The following KIAA1217 variants were observed in gnomAD, a reference collection of about 807,000 sequenced individuals.
KIAA1217 encodes the protein KIAA1217.
Under a neutral mutation model 163.9 loss-of-function variants are expected in KIAA1217, and 88 were observed. The ratio of observed to expected loss-of-function variants is 0.54; its 90% confidence interval spans 0.45 to 0.64. The LOEUF is 0.64. Among genes scored for constraint, KIAA1217 ranks in the 30% least tolerant of loss-of-function variants. The probability of loss-of-function intolerance (pLI) is 0.00; values close to 1 mark genes in which losing one functional copy is unlikely to be tolerated. For synonymous variants in KIAA1217, 903 were observed against 923.1 expected, an observed-to-expected ratio of 0.98 and a Z score of 0.39; for missense variants, 2,372 against 2,475.0, an observed-to-expected ratio of 0.96 and a Z score of 0.88.
intron 1 of KIAA1217, among the ~76,000 whole-genome samples, chr10:23,699,923 A>G (rs145860972): frequency 3.9e-5 from 6 of 152,364 alleles, no homozygotes; most frequent in Admixed American, 1.3e-4. Context: ...AAGACCTAGC[A>G]TACTGTTTGG....
Position 24,543,134 on chromosome 10 carries a change from C to T in KIAA1217, c.3864C>T (p.Gly1288=). The change falls in exon 19 of 21, where the codon GGC becomes GGT. Residue 1288 remains glycine (G), a synonymous_variant. Transcript: ENST00000376454. ...TAAACAAAGGGTCTAAAATCTCAGG[C>T]CTGCAATACTCTATACCTGACACCG... is the stretch of plus-strand genomic sequence containing the variant. ...DEINKGSKIS[G]LQYSIPDTEN... 6.2e-7 allele frequency: 1 copy of T among 1,613,184 alleles called. No individual in the cohort carries two copies. Among genetic ancestry groups the T allele is most frequent in the Non-Finnish European group, 8.5e-7 (1 of 1,179,964 alleles).
chr10:23,806,454 C>A (rs1373959036), intron 1 of KIAA1217, among the ~76,000 whole-genome samples: 1 of 152,142 alleles, frequency 6.6e-6, no homozygotes, highest in Non-Finnish European at 1.5e-5. Flanking sequence ...TCAGATTGTG[C>A]CCCAATGACT....
chr10:24,177,361 G>GTATATATA lies in KIAA1217; in HGVS notation c.-170-42253_-170-42246dup, dbSNP rs58347791. On this transcript the variant is annotated intron_variant, in intron 2 of 18. Transcript: ENST00000376462. Reference sequence around the variant, plus strand: ...TATCTTATATATCTTTATCATATGTGTATATATATATATATATATGTGTGT... The same window carrying GTATATATA: ...TATCTTATATATCTTTATCATATGTGTATATATATATATATATATATATATATGTGTGT... Among the ~76,000 whole-genome samples the GTATATATA allele has an allele frequency of 3.0e-3, 391 of 129,232 alleles. 2 individuals are homozygous for GTATATATA. Among genetic ancestry groups the GTATATATA allele is most frequent in the African/African-American group, 8.7e-3 (294 of 33,762 alleles). The allele number at this position is 129,232 out of a possible 152,430, so 84.8% of individuals were successfully genotyped here.
chr10:23,793,538 A>G (rs1442983402), intron 1 of KIAA1217, among the ~76,000 whole-genome samples: 1 of 152,200 alleles, frequency 6.6e-6, no homozygotes, highest in African/African-American at 2.4e-5. Flanking sequence ...AAGTCCTGTC[A>G]TTCAATGAAA....
At chr10:24,358,035 G>A (rs2049352733) in intron 2 of KIAA1217, among the ~76,000 whole-genome samples, 1 of 152,208 alleles carries the variant, frequency 6.6e-6, no homozygotes, top group South Asian at 2.1e-4. Flanking sequence ...AATCAAGCAA[G>A]CTGCACAGAG....
intron 2 of KIAA1217, among the ~76,000 whole-genome samples, chr10:24,226,506 G>T (rs1564858168): frequency 6.6e-6 from 1 of 151,898 alleles, no homozygotes; most frequent in Non-Finnish European, 1.5e-5. Flanking sequence ...GCTGGGCATG[G>T]AGGCACACGC....
At chr10:24,182,968 G>A (rs1016038639) in intron 2 of KIAA1217, among the ~76,000 whole-genome samples, 5 of 152,202 alleles carry the variant, frequency 3.3e-5, no homozygotes, top group South Asian at 2.1e-4. Context: ...GGGATATAGT[G>A]AGAGGTGTTT....
At chr10:24,540,062 C>T (rs940978554) in intron 17 of KIAA1217, among the ~76,000 whole-genome samples, 1 of 152,148 alleles carries the variant, frequency 6.6e-6, no homozygotes, top group Non-Finnish European at 1.5e-5. Context: ...CAATTATGAC[C>T]AAGCTCCTGC....
At chr10:23,841,253 C>T (rs766788371) in intron 1 of KIAA1217, among the ~76,000 whole-genome samples, 5 of 151,850 alleles carry the variant, frequency 3.3e-5, no homozygotes, top group Non-Finnish European at 7.4e-5. Context: ...CAGAAGCCTG[C>T]GATGTAAAAG....
At chr10:23,746,919 G>A (rs1208210478) in intron 1 of KIAA1217, among the ~76,000 whole-genome samples, 2 of 152,132 alleles carry the variant, frequency 1.3e-5, no homozygotes, top group Non-Finnish European at 2.9e-5. Context: ...AGCAGCTGTA[G>A]GGAAGGAGAG....
intron 5 of KIAA1217, among the ~76,000 whole-genome samples, chr10:24,455,036 G>A (rs1180637649): frequency 6.6e-6 from 1 of 151,784 alleles, no homozygotes; most frequent in African/African-American, 2.4e-5. Flanking sequence ...AATGAGAAAT[G>A]TGGCACTGTT....
At chr10:23,737,995 A>G (rs1232094460) in intron 1 of KIAA1217, among the ~76,000 whole-genome samples, 2 of 152,136 alleles carry the variant, frequency 1.3e-5, no homozygotes, top group African/African-American at 2.4e-5. Flanking sequence ...ATCATTAAAC[A>G]TAAGTCATTC....
intron 2 of KIAA1217, among the ~76,000 whole-genome samples, chr10:24,111,765 T>G (rs1469674842): frequency 1.3e-5 from 2 of 152,112 alleles, no homozygotes; most frequent in Non-Finnish European, 2.9e-5. Flanking sequence ...GATGGCTTAG[T>G]TTTTTTGAGT....
At chr10:23,853,081 T>G (rs1014843825) in intron 1 of KIAA1217, among the ~76,000 whole-genome samples, 1 of 152,240 alleles carries the variant, frequency 6.6e-6, no homozygotes, top group Non-Finnish European at 1.5e-5. Flanking sequence ...AGGGCATCCC[T>G]GTCTTGTGCC....
intron 8 of KIAA1217, among the ~76,000 whole-genome samples, chr10:24,496,693 T>C (rs760053167): frequency 5.3e-5 from 8 of 152,228 alleles, no homozygotes; most frequent in Non-Finnish European, 1.0e-4. Context: ...GAAAACTGAA[T>C]GCACATCCAC....
chr10:24,356,282 T>A (rs1468751437), intron 2 of KIAA1217, among the ~76,000 whole-genome samples: 1 of 152,230 alleles, frequency 6.6e-6, no homozygotes, highest in Non-Finnish European at 1.5e-5. Context: ...CATGGTTTAG[T>A]TGCCCCAGTA....
chr10:24,246,915 G>A (rs796850933), intron 2 of KIAA1217, among the ~76,000 whole-genome samples: 1 of 151,948 alleles, frequency 6.6e-6, no homozygotes, highest in South Asian at 2.1e-4. Flanking sequence ...TTAGGAGGCT[G>A]AGGCAGGAGA....
intron 1 of KIAA1217, among the ~76,000 whole-genome samples, chr10:23,935,422 T>C (rs952209486): frequency 6.6e-6 from 1 of 152,236 alleles, no homozygotes; most frequent in African/African-American, 2.4e-5. Flanking sequence ...AGAAATGTAT[T>C]TTGTCTGTAC....
chr10:24,383,818 C>A (rs1177682762), intron 3 of KIAA1217, among the ~76,000 whole-genome samples: 2 of 152,204 alleles, frequency 1.3e-5, no homozygotes, highest in Middle Eastern at 3.4e-3. Context: ...TGGGGAATGT[C>A]CCCCCAGCCG....
Sources: gnomAD v4.1 joint callset for allele counts (sites outside exome capture counted in the v4.1 genomes callset) on GRCh38, gnomAD v4.1.1 for gene constraint, MANE v1.5 for transcripts, NCBI Gene and HGNC (gene_info 2026-07-23, HGNC 2026-07-21) for gene names.